Variants in CPA6 observed in about 807,000 individuals in gnomAD.
CPA6 encodes the protein carboxypeptidase B.
CPA6 carries 58 observed loss-of-function variants against 63.3 expected under a neutral mutation model. The observed-to-expected ratio is 0.92, with a 90% CI of 0.74 to 1.14. The LOEUF is 1.14. Ranked by LOEUF, CPA6 falls within the 50% of genes most tolerant of loss-of-function variation. The pLI is 0.00. For missense variants in CPA6, 565 were observed against 526.6 expected (o/e 1.07, Z -0.71); for synonymous variants, 185 against 179.0 (o/e 1.03, Z -0.27).
rs1433177418 is a variant in CPA6, at chr8:67,475,727, CT to C, written c.838+8040del. Among the ~76,000 whole-genome samples the C allele has an allele frequency of 7.3e-5, 11 of 151,098 alleles. No homozygotes were observed. In the East Asian group the frequency reaches 1.6e-3, roughly 21 times the overall value. The stretch of plus-strand genomic sequence containing the variant: ...CCTTTCCTTCCCTTCCTTCCCTTCT[CT>C]TTTTTTCTTTCTTTCCTTCTTTCTT... On this transcript the variant is annotated intron_variant, in intron 8 of 10. Transcript: ENST00000297770.
chr8:67,455,185 C>A (rs867978300), intron 8 of CPA6, among the ~76,000 whole-genome samples: 56 of 152,056 alleles, frequency 3.7e-4, no homozygotes, highest in African/African-American at 1.3e-3. Flanking sequence ...GGAGGGGTAC[C>A]AGAAGCCGCA....
chr8:67,643,125 G>T (rs948274501), intron 1 of CPA6, among the ~76,000 whole-genome samples: 1 of 152,002 alleles, frequency 6.6e-6, no homozygotes, highest in Non-Finnish European at 1.5e-5. Context: ...AAATTAACAC[G>T]AAGCAAATGA....
chr8:67,649,942 G>A (rs908610299), intron 1 of CPA6, among the ~76,000 whole-genome samples: 3 of 152,150 alleles, frequency 2.0e-5, no homozygotes, highest in African/African-American at 7.2e-5. Flanking sequence ...GAAGGGAAAC[G>A]AGGACAAAGA....
chr8:67,652,664 G>A (rs374081482), intron 1 of CPA6, among the ~76,000 whole-genome samples: 9,670 of 149,256 alleles, frequency 0.065, 308 homozygotes, highest in South Asian at 0.11. Flanking sequence ...AGTAGGTTGC[G>A]AAAATTTTCT....
At chr8:67,511,474 C>T in intron 4 of CPA6, 67 bp downstream of exon 4, 1 of 856,170 alleles carries the variant, frequency 1.2e-6, no homozygotes, top group Non-Finnish European at 2.0e-6. Context: ...ACATAATTTT[C>T]TCCCTTAGAC....
At chr8:67,638,282 A>G (rs1282155914) in intron 1 of CPA6, among the ~76,000 whole-genome samples, 1 of 151,362 alleles carries the variant, frequency 6.6e-6, no homozygotes. Flanking sequence ...AGAAAGGAGG[A>G]AAACTTGTTT....
intron 8 of CPA6, among the ~76,000 whole-genome samples, chr8:67,472,209 T>C (rs77501310): frequency 0.017 from 2,569 of 152,012 alleles, 80 homozygotes; most frequent in African/African-American, 0.058. Context: ...GACAATAAAA[T>C]TATTGGGCTT....
At chr8:67,630,441 A>AC (rs910755475) in intron 1 of CPA6, among the ~76,000 whole-genome samples, 2 of 150,740 alleles carry the variant, frequency 1.3e-5, no homozygotes, top group African/African-American at 4.9e-5. Context: ...GTGGGAATTG[A>AC]TTTTTTTTTT....
rs181887274 is a variant in CPA6, at chr8:67,492,652, C to A, written c.637-7863G>T. On this transcript the variant is annotated intron_variant, in intron 6 of 10. Transcript: ENST00000297770. The stretch of plus-strand genomic sequence containing the variant: ...CTTAGGATCACGGAACAAACAATTT[C>A]TCTCATTGATTATGAAGATTGCTCT... Among the ~76,000 whole-genome samples, 84 of 152,212 alleles carry A rather than the reference C, an allele frequency of 5.5e-4. No homozygotes were observed. The East Asian group carries it at 0.012, about 22-fold the overall frequency.
intron 1 of CPA6, among the ~76,000 whole-genome samples, chr8:67,704,002 T>C (rs1817080849): frequency 6.6e-6 from 1 of 152,162 alleles, no homozygotes; most frequent in South Asian, 2.1e-4. Context: ...AATTCTTTCC[T>C]TGCCATTTGC....
At chr8:67,522,558 C>T (rs750104155) in intron 2 of CPA6, among the ~76,000 whole-genome samples, 16 of 152,302 alleles carry the variant, frequency 1.1e-4, no homozygotes, top group Admixed American at 3.3e-4. Flanking sequence ...CTCTGAGCTG[C>T]GAGGCGGTGG....
rs1051946900 is a variant in CPA6 at position 67,505,993 on chromosome 8, A to G, written c.636+794T>C. Among the ~76,000 whole-genome samples, 10 of 152,186 alleles carry G rather than the reference A, an allele frequency of 6.6e-5. No individual in the cohort carries two copies. In the East Asian group the frequency reaches 1.9e-3, roughly 29 times the overall value. On this transcript the variant is annotated intron_variant, in intron 6 of 10. Transcript: ENST00000297770. The stretch of plus-strand genomic sequence containing the variant: ...TCCTTCGACTTTCACTTTCATTATC[A>G]GTATTAGTGGTTGGTTTTCTTTGAT...
At chr8:67,742,345 T>C (rs1029418940) in intron 1 of CPA6, among the ~76,000 whole-genome samples, 1 of 152,072 alleles carries the variant, frequency 6.6e-6, no homozygotes, top group Non-Finnish European at 1.5e-5. Context: ...CAAACAAGAG[T>C]AAATCTTCCA....
intron 1 of CPA6, among the ~76,000 whole-genome samples, chr8:67,651,070 G>A (rs1240462433): frequency 6.6e-6 from 1 of 152,128 alleles, no homozygotes; most frequent in Non-Finnish European, 1.5e-5. Flanking sequence ...TGTAAGCTAT[G>A]TTCAAAGGTA....
rs577399306 is a variant in CPA6, at chr8:67,469,600, T to C, written c.838+14168A>G. ...CAGCCTGGGTGACAGAGTGAGACTG[T>C]CTCAAAAAAAAGAAAAGAAAGAAAT... On this transcript the variant is annotated intron_variant, in intron 8 of 10. Coordinates refer to ENST00000297770, the MANE Select transcript of CPA6 (RefSeq NM_020361.5). 5.9e-5 allele frequency among the ~76,000 whole-genome samples: 9 copies of C among 152,110 alleles called. No individual in the cohort carries two copies. In the East Asian group the frequency reaches 1.7e-3, roughly 29 times the overall value.
intron 8 of CPA6, among the ~76,000 whole-genome samples, chr8:67,447,079 CAT>C (rs35650136): frequency 0.17 from 24,964 of 150,668 alleles, 2,132 homozygotes; most frequent in East Asian, 0.23. Flanking sequence ...CATATATACA[CAT>C]ATATATACAC....
At chr8:67,668,136 A>G (rs1362686653) in intron 1 of CPA6, among the ~76,000 whole-genome samples, 16 of 152,272 alleles carry the variant, frequency 1.1e-4, no homozygotes, top group Admixed American at 1.0e-3. Flanking sequence ...CTGGTTAAAA[A>G]GGCTTTGCTC....
intron 1 of CPA6, among the ~76,000 whole-genome samples, chr8:67,656,795 C>T (rs183940618): frequency 2.0e-5 from 3 of 152,212 alleles, no homozygotes; most frequent in East Asian, 1.9e-4. Context: ...TTAAGGATGG[C>T]CTTTGTGAGT....
chr8:67,505,729 G>A (rs749449693), intron 6 of CPA6, among the ~76,000 whole-genome samples: 36 of 152,100 alleles, frequency 2.4e-4, no homozygotes, highest in Non-Finnish European at 8.8e-5. Flanking sequence ...TACTTTTGTG[G>A]TTTTGGTAGT....
Sources: allele counts gnomAD v4.1 joint callset (sites outside exome capture counted in the v4.1 genomes callset), GRCh38; gene constraint gnomAD v4.1.1; transcripts MANE v1.5; gene names NCBI Gene and HGNC (gene_info 2026-07-23, HGNC 2026-07-21).